DHRSX: variants seen among roughly 807,000 people sequenced by gnomAD.
DHRSX encodes the protein polyprenol dehydrogenase.
Under a neutral mutation model 34.0 loss-of-function variants are expected in DHRSX, and 31 were observed. The observed-to-expected ratio is 0.91, with a 90% CI of 0.69 to 1.23. DHRSX has a LOEUF of 1.23. DHRSX is among the 50% of genes most tolerant of loss of function. The probability of loss-of-function intolerance (pLI) is 0.00; values close to 1 mark genes in which losing one functional copy is unlikely to be tolerated. For synonymous variants in DHRSX, 201 were observed against 183.8 expected (o/e 1.09, Z -0.76); for missense variants, 414 against 428.1 (o/e 0.97, Z 0.29).
chrX:2,246,763 T>C (rs865799813), intron 5 of DHRSX, among the ~76,000 whole-genome samples: 4 of 111,872 alleles, frequency 3.6e-5, no homozygotes, highest in African/African-American at 1.1e-4. Flanking sequence ...AGAAAGAAAA[T>C]AAAAGAATAG....
chrX:2,411,429 A>G (rs1398048721), intron 2 of DHRSX, among the ~76,000 whole-genome samples: 1 of 151,856 alleles, frequency 6.6e-6, no homozygotes, highest in Non-Finnish European at 1.5e-5. Flanking sequence ...TGTGCCTGTA[A>G]TCCCAGCTAC....
chrX:2,411,554 CAA>C (rs774788900), intron 2 of DHRSX, among the ~76,000 whole-genome samples: 14 of 55,542 alleles, frequency 2.5e-4, no homozygotes, highest in Non-Finnish European at 1.8e-4. Context: ...AACTCTGTCC[CAA>C]AAAAAAAAAA....
At chrX:2,458,199 C>T (rs1211584995) in intron 1 of DHRSX, among the ~76,000 whole-genome samples, 1 of 148,548 alleles carries the variant, frequency 6.7e-6, no homozygotes, top group African/African-American at 2.5e-5. Flanking sequence ...GTACACACTG[C>T]AGACGTTCCC....
At chrX:2,340,167 C>T (rs898273792) in intron 3 of DHRSX, among the ~76,000 whole-genome samples, 2 of 150,212 alleles carry the variant, frequency 1.3e-5, no homozygotes, top group Non-Finnish European at 3.0e-5. Flanking sequence ...GGGAGGGGAA[C>T]ATCACACACT....
At chrX:2,344,134 C>T (rs62583723) in intron 3 of DHRSX, among the ~76,000 whole-genome samples, 114,536 of 151,998 alleles carry the variant, frequency 0.75, 44,295 homozygotes, top group African/African-American at 0.82. Flanking sequence ...CTCATGAGAG[C>T]GGGCTCCAGC....
rs760815049 is a variant in DHRSX, at chrX:2,376,142, C to T, written c.286+32603G>A. Among the ~76,000 whole-genome samples, 9 of 137,696 alleles carry T rather than the reference C, an allele frequency of 6.5e-5. 2 individuals carry two copies. Among genetic ancestry groups the T allele is most frequent in the South Asian group, 4.6e-4 (2 of 4,356 alleles). 90.3% of individuals were successfully genotyped at this position (137,696 alleles called of 152,430 possible). On this transcript the variant is annotated intron_variant, in intron 3 of 6. Coordinates refer to ENST00000334651, the MANE Select transcript of DHRSX (RefSeq NM_145177.3). ...CAGGTGCCTCTGACTCAGGAGGAAA[C>T]GCAGAATTTGGCGAACACGTGAAGT...
intron 3 of DHRSX, among the ~76,000 whole-genome samples, chrX:2,324,824 A>G (rs967983346): frequency 7.3e-6 from 1 of 136,456 alleles, no homozygotes; most frequent in African/African-American, 2.8e-5. Flanking sequence ...GCTGGAGTGT[A>G]GTGGCGTGAT....
intron 4 of DHRSX, among the ~76,000 whole-genome samples, chrX:2,273,026 A>C (rs2041578338): frequency 6.6e-6 from 1 of 152,154 alleles, no homozygotes; most frequent in Non-Finnish European, 1.5e-5. Context: ...TCATCCCAGC[A>C]CTTTGGGAGA....
At chrX:2,488,646 T>C (rs1462592594) in intron 1 of DHRSX, 1 of 1,604,834 alleles carries the variant, frequency 6.2e-7, no homozygotes, top group Admixed American at 1.7e-5. Context: ...TACAGGAAGC[T>C]GCTGTCCCTA....
chrX:2,446,428 C>A (rs941009907), intron 1 of DHRSX, among the ~76,000 whole-genome samples: 41 of 150,892 alleles, frequency 2.7e-4, no homozygotes, highest in East Asian at 9.9e-4. Flanking sequence ...AAGCATGTGG[C>A]CCAAGGGACG....
At chrX:2,449,911 G>A (rs2044192690) in intron 1 of DHRSX, among the ~76,000 whole-genome samples, 1 of 152,124 alleles carries the variant, frequency 6.6e-6, no homozygotes. Context: ...GGGATTACGG[G>A]CGTGAGCCAC....
chrX:2,403,767 A>C (rs963174321), intron 3 of DHRSX, among the ~76,000 whole-genome samples: 2 of 151,798 alleles, frequency 1.3e-5, no homozygotes, highest in African/African-American at 4.8e-5. Context: ...GAGGCAGGAG[A>C]ATCGCTTGAA....
chrX:2,470,118 A>T (rs183955850), intron 1 of DHRSX, among the ~76,000 whole-genome samples: 9 of 151,424 alleles, frequency 5.9e-5, no homozygotes, highest in Non-Finnish European at 5.9e-5. Flanking sequence ...ACTGGAAGAT[A>T]CAATGTGAAG....
At chrX:2,369,735 C>T (rs2043035210) in intron 3 of DHRSX, among the ~76,000 whole-genome samples, 1 of 151,952 alleles carries the variant, frequency 6.6e-6, no homozygotes, top group Non-Finnish European at 1.5e-5. Context: ...AACACCTGAC[C>T]TCAAGTAATC....
At chrX:2,341,966 G>A (rs1347123650) in intron 3 of DHRSX, among the ~76,000 whole-genome samples, 1 of 151,944 alleles carries the variant, frequency 6.6e-6, no homozygotes, top group Non-Finnish European at 1.5e-5. Flanking sequence ...TACCACTCCC[G>A]GCTAATTTTT....
intron 5 of DHRSX, among the ~76,000 whole-genome samples, chrX:2,263,075 G>A (rs923089716): frequency 2.6e-5 from 4 of 152,232 alleles, no homozygotes; most frequent in African/African-American, 7.2e-5. Flanking sequence ...TACAGAGGCT[G>A]GCCCCAAAGT....
At chrX:2,347,420 G>A (rs192804727) in intron 3 of DHRSX, among the ~76,000 whole-genome samples, 241 of 152,316 alleles carry the variant, frequency 1.6e-3, no homozygotes, top group Non-Finnish European at 2.4e-3. Flanking sequence ...GGGGCCGGGC[G>A]CGGTGGCTCA....
At chrX:2,460,867 G>A (rs2044393294) in intron 1 of DHRSX, among the ~76,000 whole-genome samples, 1 of 152,018 alleles carries the variant, frequency 6.6e-6, no homozygotes, top group Admixed American at 6.6e-5. Context: ...ACAAGCATGA[G>A]CCACCACACC....
Position 2,489,770 on chromosome X carries a change from T to C in DHRSX, c.109+11047A>G. ...AGACTGCTGGAAGTACTCCACCAGT[T>C]TGCGGCAGCGCGACAGCAGCGCCCC... On this transcript the variant is annotated intron_variant, in intron 1 of 6. Coordinates refer to ENST00000334651, the MANE Select transcript of DHRSX (RefSeq NM_145177.3). 3 of 1,613,350 alleles carry C rather than the reference T, an allele frequency of 1.9e-6. No homozygotes were observed. The South Asian group carries it at 3.3e-5, about 18-fold the overall frequency.
Sources: gnomAD v4.1 joint callset for allele counts (sites outside exome capture counted in the v4.1 genomes callset) on GRCh38, gnomAD v4.1.1 for gene constraint, MANE v1.5 for transcripts, NCBI Gene and HGNC (gene_info 2026-07-23, HGNC 2026-07-21) for gene names.